WDR7: variants seen among roughly 807,000 people sequenced by gnomAD.
WDR7 encodes the protein WD repeat domain 7, also known as WD repeat-containing protein 7.
WDR7 carries 46 observed loss-of-function variants against 169.4 expected under a neutral mutation model. The ratio of observed to expected loss-of-function variants is 0.27; its 90% CI spans 0.21 to 0.35. WDR7 has a LOEUF of 0.35. Ranked by LOEUF, WDR7 falls within the 10% of genes least tolerant of loss-of-function variation. WDR7 has a pLI of 1.00. For synonymous variants in WDR7, 612 were observed against 666.8 expected, an observed-to-expected ratio of 0.92 and a Z score of 1.27; for missense variants, 1,534 against 1,859.3, an observed-to-expected ratio of 0.83 and a Z score of 3.22.
At chr18:56,985,728 T>C (rs1239572784) in intron 26 of WDR7, among the ~76,000 whole-genome samples, 1 of 152,106 alleles carries the variant, frequency 6.6e-6, no homozygotes, top group Non-Finnish European at 1.5e-5. Context: ...TTATTTCTGA[T>C]ATATTTCCTA....
At chr18:56,954,605 G>A (rs2047226358) in intron 25 of WDR7, among the ~76,000 whole-genome samples, 1 of 152,078 alleles carries the variant, frequency 6.6e-6, no homozygotes, top group African/African-American at 2.4e-5. Context: ...GAATACTGGG[G>A]GTGATGGGAG....
chr18:56,707,270 AC>A (rs1193599155), intron 12 of WDR7, among the ~76,000 whole-genome samples: 14 of 152,312 alleles, frequency 9.2e-5, no homozygotes, highest in African/African-American at 3.4e-4. Context: ...GGCATGAGCT[AC>A]CATGCCCAGC....
intron 27 of WDR7, among the ~76,000 whole-genome samples, chr18:57,025,229 T>C (rs1354262808): frequency 6.6e-6 from 1 of 152,138 alleles, no homozygotes; most frequent in African/African-American, 2.4e-5. Flanking sequence ...TCATAGAAAA[T>C]CCATAAAGAA....
chr18:56,867,540 T>G (rs959470249), intron 20 of WDR7, among the ~76,000 whole-genome samples: 3 of 152,080 alleles, frequency 2.0e-5, no homozygotes, highest in Non-Finnish European at 2.9e-5. Flanking sequence ...GGGAGGGAGA[T>G]AGATAGGGAG....
At chr18:56,920,752 T>A (rs1295899100) in intron 21 of WDR7, among the ~76,000 whole-genome samples, 1 of 152,230 alleles carries the variant, frequency 6.6e-6, no homozygotes, top group Non-Finnish European at 1.5e-5. Flanking sequence ...GATTAAAGTA[T>A]ACAACTTTTA....
the WDR7 span, chr18:57,036,573 A>G: frequency 6.6e-6 from 1 of 152,320 alleles, no homozygotes; most frequent in African/African-American, 2.4e-5. Flanking sequence ...TGTTGATCCC[A>G]GGAACACTTC....
intron 19 of WDR7, among the ~76,000 whole-genome samples, chr18:56,801,867 G>T (rs1481511971): frequency 6.6e-6 from 1 of 152,124 alleles, no homozygotes; most frequent in Non-Finnish European, 1.5e-5. Flanking sequence ...GGACATCTGG[G>T]TTGTTTCCAG....
Position 56,967,158 on chromosome 18 carries a change from G to A in WDR7, c.4164+4629G>A, listed in dbSNP as rs1343427715. Among the ~76,000 whole-genome samples, 202 of 151,972 alleles carry A rather than the reference G, an allele frequency of 1.3e-3. 2 individuals carry two copies. Among genetic ancestry groups the A allele is most frequent in the African/African-American group, 4.6e-3 (188 of 41,266 alleles). ...AGGCTTTTGTAGGTGCTAAGGCCAG[G>A]AGTTCAGCCTGCTCAATAGGGAGCG... On this transcript the variant is annotated intron_variant, in intron 26 of 27. Transcript: ENST00000254442.
rs570694783 is a variant in WDR7, at chr18:56,699,819, G to C, written c.1578+3357G>C. The C allele has an allele frequency of 1.3e-3, 1,330 of 985,268 alleles. 1 individual carries two copies. Among genetic ancestry groups the C allele is most frequent in the Non-Finnish European group, 1.5e-3 (1,281 of 829,910 alleles). The allele number at this position is 985,268 out of a possible 1,614,324, so 61.0% of individuals were successfully genotyped here. On this transcript the variant is annotated intron_variant, in intron 12 of 27. Transcript: ENST00000254442. ...GATAGTAAACAAAAAGTGAAAAACT[G>C]TCTGCTAGGTAGAACAGATGCTGCA...
chr18:56,670,233 T>C (rs554689107), intron 1 of WDR7, among the ~76,000 whole-genome samples: 20 of 152,316 alleles, frequency 1.3e-4, no homozygotes, highest in Middle Eastern at 3.4e-3. Flanking sequence ...GATGTTATCC[T>C]CTATTTCACA....
intron 1 of WDR7, among the ~76,000 whole-genome samples, chr18:56,663,638 GCATA>G (rs1167513390): frequency 5.2e-4 from 2 of 3,872 alleles, no homozygotes; most frequent in African/African-American, 5.6e-4. Context: ...TATATGCACA[GCATA>G]TATACATATA....
intron 13 of WDR7, among the ~76,000 whole-genome samples, chr18:56,730,413 C>T (rs1300586246): frequency 6.6e-6 from 1 of 152,076 alleles, no homozygotes; most frequent in African/African-American, 2.4e-5. Context: ...TTTGCTGTGA[C>T]TTAGACAAGA....
chr18:56,847,184 G>C (rs2045580458), intron 20 of WDR7, among the ~76,000 whole-genome samples: 1 of 152,168 alleles, frequency 6.6e-6, no homozygotes, highest in South Asian at 2.1e-4. Context: ...GGGAATTAGA[G>C]TAAAGGTTAC....
chr18:56,786,910 A>G (rs1410637137), intron 19 of WDR7, among the ~76,000 whole-genome samples: 1 of 151,688 alleles, frequency 6.6e-6, no homozygotes, highest in East Asian at 2.0e-4. Flanking sequence ...AAAAGTAAAT[A>G]GTTTTTGCCA....
chr18:56,995,974 C>G (rs1787479), intron 26 of WDR7, among the ~76,000 whole-genome samples: 95,292 of 152,028 alleles, frequency 0.63, 30,469 homozygotes, highest in Middle Eastern at 0.74. Context: ...ACATTTGGTA[C>G]CTGGGCCACT....
At chr18:56,811,312 CTA>C (rs1020847683) in intron 19 of WDR7, among the ~76,000 whole-genome samples, 2 of 152,024 alleles carry the variant, frequency 1.3e-5, no homozygotes, top group African/African-American at 2.4e-5. Flanking sequence ...CATGGTAACT[CTA>C]TGTTTAACTT....
intron 26 of WDR7, among the ~76,000 whole-genome samples, chr18:57,020,225 A>C (rs2048268829): frequency 6.6e-6 from 1 of 152,246 alleles, no homozygotes; most frequent in African/African-American, 2.4e-5. Context: ...AGCTATATAC[A>C]TTTAAATACA....
At chr18:57,001,855 T>C (rs2145888493) in intron 26 of WDR7, among the ~76,000 whole-genome samples, 1 of 152,290 alleles carries the variant, frequency 6.6e-6, no homozygotes. Flanking sequence ...AACCTGTATT[T>C]CAATCTGTTT....
intron 22 of WDR7, among the ~76,000 whole-genome samples, chr18:56,932,874 G>GTGTGTGTGTGTGT: frequency 7.6e-6 from 1 of 131,922 alleles, no homozygotes; most frequent in Admixed American, 7.1e-5. Context: ...CTTCATTCTG[G>GTGTGTGTGTGTGT]GTGTGTGTGT....
Sources: gnomAD v4.1 joint callset for allele counts (sites outside exome capture counted in the v4.1 genomes callset) on GRCh38, gnomAD v4.1.1 for gene constraint, MANE v1.5 for transcripts, NCBI Gene and HGNC (gene_info 2026-07-23, HGNC 2026-07-21) for gene names.